CYP2C8: variants seen among roughly 807,000 people sequenced by gnomAD.
CYP2C8 encodes cytochrome P450 family 2 subfamily C member 8.
A neutral mutation model predicts 41.3 loss-of-function variants in CYP2C8; 51 were observed. That is an observed-to-expected ratio of 1.24 (90% CI 0.99 to 1.56). The LOEUF (loss-of-function observed/expected upper bound fraction) is 1.56, where lower values mean the gene tolerates loss of function less well. Among genes scored for constraint, CYP2C8 ranks in the 40% most tolerant of loss-of-function variants. The probability of loss-of-function intolerance (pLI) is 0.00; values close to 1 mark genes in which losing one functional copy is unlikely to be tolerated. For missense variants in CYP2C8, 651 were observed against 579.9 expected (o/e 1.12, Z -1.26); for synonymous variants, 218 against 205.8 (o/e 1.06, Z -0.51).
chr10:95,049,867 G>T (rs11572132), intron 5 of CYP2C8, among the ~76,000 whole-genome samples: 4 of 136,844 alleles, frequency 2.9e-5, no homozygotes, highest in Non-Finnish European at 4.7e-5. Context: ...CTTGAGGAGT[G>T]GGGGGCTTGA....
Position 95,059,737 on chromosome 10 carries a change from G to T in CYP2C8, c.643-1226C>A, listed in dbSNP as rs572433492. ...CTTGCCCATGCCTATGTCCTGAATG[G>T]TATTGCCTAGGTTTTCTTCTAGAAT... On this transcript the variant is annotated intron_variant, in intron 4 of 8. Coordinates refer to ENST00000371270, the MANE Select transcript of CYP2C8 (RefSeq NM_000770.3). Among the ~76,000 whole-genome samples the T allele has an allele frequency of 3.1e-3, 473 of 152,274 alleles. 2 individuals carry two copies. The highest frequency in any genetic ancestry group is 7.7e-3 in the South Asian group (37 of 4,816).
intron 7 of CYP2C8, among the ~76,000 whole-genome samples, chr10:95,041,124 G>A (rs533200172): frequency 6.6e-6 from 1 of 152,204 alleles, no homozygotes; most frequent in South Asian, 2.1e-4. Flanking sequence ...AATAGATGCA[G>A]AGAATCAATT....
chr10:95,051,495 T>C (rs927664689), intron 5 of CYP2C8, among the ~76,000 whole-genome samples: 1 of 152,012 alleles, frequency 6.6e-6, no homozygotes, highest in Admixed American at 6.6e-5. Context: ...TATCACTATC[T>C]AAGTACAAGA....
intron 6 of CYP2C8, among the ~76,000 whole-genome samples, chr10:95,043,347 AT>A (rs1247738715): frequency 6.6e-6 from 1 of 152,240 alleles, no homozygotes; most frequent in Admixed American, 6.5e-5. Flanking sequence ...TATTTAAAAA[AT>A]AAACAGAACA....
At chr10:95,059,265 G>A (rs1589444717) in intron 4 of CYP2C8, among the ~76,000 whole-genome samples, 1 of 152,188 alleles carries the variant, frequency 6.6e-6, no homozygotes, top group South Asian at 2.1e-4. Context: ...CACCAACAGT[G>A]TAAAAGTGCT....
At chr10:95,048,657 G>GT (rs11572146) in intron 5 of CYP2C8, among the ~76,000 whole-genome samples, 29,881 of 152,086 alleles carry the variant, frequency 0.2, 3,103 homozygotes, top group East Asian at 0.39. Context: ...GCCAGCAGAT[G>GT]TTGTAATAGG....
intron 4 of CYP2C8, among the ~76,000 whole-genome samples, chr10:95,061,088 T>A (rs900589655): frequency 2.0e-5 from 3 of 152,236 alleles, no homozygotes; most frequent in Non-Finnish European, 4.4e-5. Flanking sequence ...TCAGGGATAT[T>A]GGTCTAAAAT....
intron 5 of CYP2C8, among the ~76,000 whole-genome samples, chr10:95,048,609 G>A (rs544693641): frequency 2.0e-5 from 3 of 152,206 alleles, no homozygotes; most frequent in East Asian, 1.9e-4. Flanking sequence ...GCTGAGATAC[G>A]ATAAAAGTTT....
intron 3 of CYP2C8, 101 bp from the exon 4 acceptor site, chr10:95,065,061 T>A (rs2033531387): frequency 2.6e-5 from 29 of 1,094,646 alleles, no homozygotes; most frequent in Non-Finnish European, 3.3e-5. Flanking sequence ...TTAAACAATA[T>A]CTTACAAATT....
In CYP2C8 at chr10:95,038,921, C is replaced by T. The variant is rs2032941110; in HGVS notation, c.1267G>A (p.Asp423Asn). ...CCTGCTGAGAAAGGCATGAAGTAGT[C>T]ACTTTTCTTAAAGTTGCCATTCTTA... Reference protein sequence around the residue: ...LDKNGNFKKSDYFMPFSAGKR... With the variant: ...LDKNGNFKKSNYFMPFSAGKR... Residue 423 changes from aspartate to asparagine, a missense_variant, in exon 8 of 9, where the codon GAC becomes AAC. Asp to Asn is a conservative substitution (Grantham distance 23). Transcript: ENST00000371270. 1 of 1,613,978 alleles carries T rather than the reference C, an allele frequency of 6.2e-7. No individual in the cohort carries two copies. The highest frequency in any genetic ancestry group is 8.5e-7 in the Non-Finnish European group (1 of 1,179,838).
intron 8 of CYP2C8, among the ~76,000 whole-genome samples, chr10:95,037,562 A>G (rs915520706): frequency 2.0e-5 from 3 of 152,240 alleles, no homozygotes; most frequent in Non-Finnish European, 4.4e-5. Context: ...CCCTTCATTC[A>G]ACAAATATTC....
chr10:95,040,512 G>T (rs2032972998), intron 7 of CYP2C8, among the ~76,000 whole-genome samples: 1 of 152,200 alleles, frequency 6.6e-6, no homozygotes, highest in African/African-American at 2.4e-5. Flanking sequence ...TTATAGCATA[G>T]CAACTAAAAC....
intron 3 of CYP2C8, 94 bp downstream of exon 3, chr10:95,067,114 A>G (rs11572083): frequency 7.0e-5 from 110 of 1,570,022 alleles, no homozygotes; most frequent in Middle Eastern, 1.8e-4. Flanking sequence ...AGGATGCGCA[A>G]TGAAGACCTG....
At chr10:95,042,594 A>G (rs1162438213) in intron 7 of CYP2C8, among the ~76,000 whole-genome samples, 1 of 152,210 alleles carries the variant, frequency 6.6e-6, no homozygotes, top group East Asian at 1.9e-4. Context: ...GTCTTTCCAT[A>G]TCGAACTACA....
rs1277437933 is a variant in CYP2C8, at chr10:95,045,864, T to C, written c.907A>G (p.Ser303Gly). ...AGGAGTCCATATCTCAGAGTGGTGC[T>C]TGTTGTCTCTGTTCCAGCAACAAAT... The part of the protein sequence containing the change: ...DLFVAGTETT[S>G]TTLRYGLLLL... The change falls in exon 6 of 9, where the codon AGC becomes GGC. Residue 303 changes from serine to glycine, a missense_variant. Transcript: ENST00000371270. 1 of 1,614,122 alleles carries C rather than the reference T, an allele frequency of 6.2e-7. No homozygotes were observed. The highest frequency in any genetic ancestry group is 1.7e-5 in the Admixed American group (1 of 60,030).
intron 5 of CYP2C8, among the ~76,000 whole-genome samples, chr10:95,050,972 A>G (rs149910025): frequency 2.5e-3 from 377 of 152,292 alleles, no homozygotes; most frequent in African/African-American, 8.8e-3. Context: ...ATCCAGGAAA[A>G]CATGACCTCA....
chr10:95,050,999 A>C (rs1014600906), intron 5 of CYP2C8, among the ~76,000 whole-genome samples: 2 of 152,212 alleles, frequency 1.3e-5, no homozygotes, highest in African/African-American at 4.8e-5. Context: ...GAACTAAATA[A>C]GGCACCAGGG....
chr10:95,059,451 T>C (rs574255770), intron 4 of CYP2C8, among the ~76,000 whole-genome samples: 2 of 152,068 alleles, frequency 1.3e-5, no homozygotes, highest in Non-Finnish European at 2.9e-5. Flanking sequence ...TTTTGAGAAG[T>C]GTCTGTTCGT....
chr10:95,045,614 C>T (rs1891071), intron 6 of CYP2C8, among the ~76,000 whole-genome samples, 196 bp downstream of exon 6: 97,406 of 152,078 alleles, frequency 0.64, 31,892 homozygotes, highest in African/African-American at 0.76. Flanking sequence ...CATACTGTTT[C>T]TACTGATCTC....
Sources: allele counts gnomAD v4.1 joint callset (sites outside exome capture counted in the v4.1 genomes callset), GRCh38; gene constraint gnomAD v4.1.1; transcripts MANE v1.5; gene names NCBI Gene and HGNC (gene_info 2026-07-23, HGNC 2026-07-21).